SON: variants seen among roughly 807,000 people sequenced by gnomAD.
The protein encoded by SON is SON DNA and RNA binding protein, also known as protein SON.
In SON, 4 loss-of-function variants were observed where a neutral mutation model predicts 173.3. The observed-to-expected ratio is 0.02, with a 90% CI of 0.01 to 0.05. SON has a LOEUF of 0.05. Ranked by LOEUF, SON falls within the 10% of genes least tolerant of loss-of-function variation. The pLI, the probability that SON is intolerant of heterozygous loss-of-function variation, is 1.00. For missense variants in SON, 2,626 were observed against 3,055.3 expected (o/e 0.86, Z 3.31); for synonymous variants, 1,190 against 1,105.9 (o/e 1.08, Z -1.51).
intron 1 of SON, chr21:33,543,523 C>T (rs550035920): frequency 5.1e-4 from 119 of 231,940 alleles, no homozygotes; most frequent in African/African-American, 3.4e-3. Flanking sequence ...TCCTCCGCCG[C>T]CGCGTATCCC....
intron 4 of SON, chr21:33,557,781 T>C: frequency 8.0e-7 from 1 of 1,254,398 alleles, no homozygotes; most frequent in Middle Eastern, 2.9e-4. Context: ...GGAACTTCTT[T>C]CGCATCAACA....
rs2085893324 is a variant in SON at position 33,554,096 on chromosome 21, T to C, written c.4865T>C (p.Leu1622Ser). 6.2e-7 allele frequency: 1 copy of C among 1,614,086 alleles called. No homozygotes were observed. Among genetic ancestry groups the C allele is most frequent in the Non-Finnish European group, 8.5e-7 (1 of 1,179,926 alleles). Residue 1622 changes from leucine to serine, a missense_variant, in exon 3 of 12, where the codon TTA becomes TCA. Transcript: ENST00000356577. ...TTTACCACAGCATCTACTCTCAGTTTAGTTAATAAATATGATGTTGATTTA... is the reference window on the plus strand; with the variant it reads ...TTTACCACAGCATCTACTCTCAGTTCAGTTAATAAATATGATGTTGATTTA... Reference protein sequence around the residue: ...IEFTTASTLSLVNKYDVDLSL... With the variant: ...IEFTTASTLSSVNKYDVDLSL...
At chr21:33,566,178 C>T (rs182636689) in intron 6 of SON, among the ~76,000 whole-genome samples, 10 of 152,128 alleles carry the variant, frequency 6.6e-5, no homozygotes, top group Admixed American at 4.6e-4. Flanking sequence ...CAAAATCTTC[C>T]ATGTCAGATA....
chr21:33,550,584 GGAATTGCCAGGGCTTCCA>G lies in SON; in HGVS notation c.1355_1372del (p.Glu452_Pro457del), dbSNP rs2085748908. Reference sequence around the variant, plus strand: ...TGACACCAGTGCCACAGTTGTCGCAGGAATTGCCAGGGCTTCCAGCACCATCCATGGGGTTGGAGCCAC... The same window carrying G: ...TGACACCAGTGCCACAGTTGTCGCAGGCACCATCCATGGGGTTGGAGCCAC... On this transcript the variant is annotated inframe_deletion, in exon 3 of 12. Transcript: ENST00000356577. 6.2e-7 allele frequency: 1 copy of G among 1,613,822 alleles called. No individual in the cohort carries two copies. The highest frequency in any genetic ancestry group is 1.7e-5 in the Admixed American group (1 of 59,996).
Position 33,551,148 on chromosome 21 carries a change from A to G in SON, c.1917A>G (p.Pro639=), listed in dbSNP as rs565738252. ...VLELPGQPGA[P]ELPGQPVATV... is the part of the protein sequence containing the mutation. ...AGTTGCCAGGGCAGCCTGGGGCGCCAGAGTTGCCTGGGCAGCCTGTGGCAA... is the reference window on the plus strand; with the variant it reads ...AGTTGCCAGGGCAGCCTGGGGCGCCGGAGTTGCCTGGGCAGCCTGTGGCAA... The change falls in exon 3 of 12, where the codon CCA becomes CCG. Residue 639 remains proline, a synonymous_variant. Coordinates refer to ENST00000356577, the MANE Select transcript of SON (RefSeq NM_138927.4). 3 of 1,613,286 alleles carry G rather than the reference A, an allele frequency of 1.9e-6. No individual in the cohort carries two copies. The highest frequency in any genetic ancestry group is 1.3e-5 in the African/African-American group (1 of 74,906).
At position 33,554,763 on chromosome 21, in the gene SON, T is replaced by C. The variant is rs2085921035; in HGVS notation, c.5532T>C (p.Arg1844=). The C allele has an allele frequency of 6.2e-7, 1 of 1,613,880 alleles. No individual in the cohort carries two copies. Among genetic ancestry groups the C allele is most frequent in the Non-Finnish European group, 8.5e-7 (1 of 1,180,034 alleles). The change falls in exon 3 of 12, where the codon CGT becomes CGC. Residue 1844 remains arginine (R), a synonymous_variant. Transcript: ENST00000356577. ...HKSRKRTSES[R]SRARKRSSKS... ...CACGCAAGCGTACCAGTGAATCTCG[T>C]TCTAGGGCAAGAAAGAGATCATCTA...
rs770118667 is a variant in SON at position 33,552,560 on chromosome 21, C to T, written c.3329C>T (p.Ala1110Val). The change falls in exon 3 of 12, where the codon GCT becomes GTT. Residue 1110 changes from alanine (A) to valine (V), a missense_variant. Ala to Val is a moderately conservative substitution (Grantham distance 64). This residue lies in a region of SON where 366 missense variants were observed against 448.6 expected (regional missense o/e 0.82). Transcript: ENST00000356577. The surrounding 1 kb of genome is among the most constrained non-coding windows in gnomAD (Gnocchi z 5.6). ...TCTATGATGTCATCGTACTCTGCAG[C>T]TGACCGATCTATGATGTCATCTTAT... ...DRSMMSSYSA[A>V]DRSMMSSYTA... 3.7e-6 allele frequency: 6 copies of T among 1,614,120 alleles called. No individual in the cohort carries two copies. The highest frequency in any genetic ancestry group is 1.3e-5 in the African/African-American group (1 of 75,012).
At position 33,551,502 on chromosome 21, in the gene SON, G is replaced by A. The variant is rs147224438; in HGVS notation, c.2271G>A (p.Ala757=). 5,761 of 1,609,258 alleles carry A rather than the reference G, an allele frequency of 3.6e-3. 14 individuals carry two copies. Among genetic ancestry groups the A allele is most frequent in the Non-Finnish European group, 4.2e-3 (4,911 of 1,178,594 alleles). The change falls in exon 3 of 12, where the codon GCG becomes GCA. Residue 757 remains alanine, a synonymous_variant. Coordinates refer to ENST00000356577, the MANE Select transcript of SON (RefSeq NM_138927.4). Reference sequence around the variant, plus strand: ...ACACCATGGACTCCCAGATGTTAGCGTCTAGCACCATGGACTCCCAGATGT... The same window carrying A: ...ACACCATGGACTCCCAGATGTTAGCATCTAGCACCATGGACTCCCAGATGT... The part of the protein sequence containing the change: ...ASNTMDSQML[A]SSTMDSQMLA...
At chr21:33,574,516 C>CCT (rs2086355838) in intron 9 of SON, among the ~76,000 whole-genome samples, 1 of 152,144 alleles carries the variant, frequency 6.6e-6, no homozygotes, top group South Asian at 2.1e-4. Flanking sequence ...TGAAAAATTT[C>CCT]CTGTAACATA....
chr21:33,564,302 T>C (rs2086123167), intron 6 of SON, among the ~76,000 whole-genome samples: 1 of 152,210 alleles, frequency 6.6e-6, no homozygotes, highest in Non-Finnish European at 1.5e-5. Context: ...TGCTCAGTAG[T>C]GATCACTGTA....
intron 6 of SON, among the ~76,000 whole-genome samples, chr21:33,565,123 G>A (rs1023765912): frequency 2.0e-4 from 31 of 152,112 alleles, no homozygotes; most frequent in African/African-American, 6.5e-4. Flanking sequence ...TAGGTTAAAC[G>A]TTTAATAAAG....
intron 6 of SON, among the ~76,000 whole-genome samples, chr21:33,564,861 C>CA (rs60295815): frequency 0.62 from 60,763 of 97,972 alleles, 17,185 homozygotes; most frequent in Non-Finnish European, 0.64. Flanking sequence ...AACTCCATCT[C>CA]AAAAAAAAAA....
intron 8 of SON, chr21:33,571,623 T>A (rs2086287383): frequency 6.6e-6 from 1 of 152,658 alleles, no homozygotes; most frequent in South Asian, 2.1e-4. Context: ...GTGGTCTCAT[T>A]AAATTAATCA....
Position 33,546,225 on chromosome 21 carries a change from A to G in SON, c.90A>G (p.Glu30=), listed in dbSNP as rs534769704. 4 of 1,607,266 alleles carry G rather than the reference A, an allele frequency of 2.5e-6. No homozygotes were observed. In the East Asian group the frequency reaches 8.9e-5, roughly 36 times the overall value. Residue 30 remains glutamate (E), a synonymous_variant, in exon 2 of 12, where the codon GAA becomes GAG. Coordinates refer to ENST00000356577, the MANE Select transcript of SON (RefSeq NM_138927.4). ...TTTTCATGTCAAGTGGAAGGAATGA[A>G]GGCCAGCTGAATGGTGAAACAAATA... ...IQQELSSGRN[E]GQLNGETNTP...
intron 4 of SON, chr21:33,557,637 C>T (rs935011850): frequency 2.6e-6 from 4 of 1,542,778 alleles, no homozygotes; most frequent in Middle Eastern, 1.7e-4. Flanking sequence ...CCTACAGTTT[C>T]GTTTCCATTC....
intron 4 of SON, chr21:33,557,616 G>A (rs1170669375): frequency 6.5e-7 from 1 of 1,548,038 alleles, no homozygotes; most frequent in East Asian, 2.4e-5. Flanking sequence ...TGAGCAACAC[G>A]CAGAAGCTCG....
Position 33,559,602 on chromosome 21 carries a change from C to A in SON, c.6484C>A (p.Pro2162Thr), listed in dbSNP as rs1418616379. The A allele has an allele frequency of 6.2e-7, 1 of 1,609,664 alleles. No homozygotes were observed. The highest frequency in any genetic ancestry group is 8.5e-7 in the Non-Finnish European group (1 of 1,178,684). ...TATTTTTTAGATTGCTGCAGCAAAACCAACTCCACCAAAAAGCCAGGTAAC... is the reference window on the plus strand; with the variant it reads ...TATTTTTTAGATTGCTGCAGCAAAAACAACTCCACCAAAAAGCCAGGTAAC... ...FFNLNIAAAK[P>T]TPPKSQVTLT... Residue 2162 changes from proline (P) to threonine (T), a missense_variant, in exon 6 of 12, where the codon CCA (proline) becomes ACA (threonine). Transcript: ENST00000356577. This position sits in a 1 kb window ranked among gnomAD's most constrained non-coding sequence, Gnocchi z 4.1.
At chr21:33,567,643 C>T (rs1477078185) in intron 7 of SON, among the ~76,000 whole-genome samples, 1 of 152,140 alleles carries the variant, frequency 6.6e-6, no homozygotes, top group African/African-American at 2.4e-5. Flanking sequence ...TAAGGCCAGG[C>T]ATGGTCGCTG....
Position 33,554,302 on chromosome 21 carries a change from A to T in SON, c.5071A>T (p.Thr1691Ser), listed in dbSNP as rs2085902162. Reference protein sequence around the residue: ...EPLPVKESDQTLAALLSPKES... With the variant: ...EPLPVKESDQSLAALLSPKES... Reference sequence around the variant, plus strand: ...ATTACCTGTAAAAGAGAGTGACCAGACATTAGCAGCTCTGCTCAGCCCTAA... The same window carrying T: ...ATTACCTGTAAAAGAGAGTGACCAGTCATTAGCAGCTCTGCTCAGCCCTAA... The change falls in exon 3 of 12, where the codon ACA becomes TCA. Residue 1691 changes from threonine to serine, a missense_variant. By Grantham distance (58) the Thr-to-Ser change is moderately conservative (BLOSUM62 1). Transcript: ENST00000356577. 1 of 1,614,196 alleles carries T rather than the reference A, an allele frequency of 6.2e-7. No individual in the cohort carries two copies. The highest frequency in any genetic ancestry group is 1.3e-5 in the African/African-American group (1 of 75,032).
Sources: allele counts gnomAD v4.1 joint callset (sites outside exome capture counted in the v4.1 genomes callset), GRCh38; gene constraint gnomAD v4.1.1; regional missense constraint gnomAD v4.1.1; non-coding constraint Gnocchi (gnomAD v3.1); transcripts MANE v1.5; gene names NCBI Gene and HGNC (gene_info 2026-07-23, HGNC 2026-07-21).